CDC6: variants seen among roughly 807,000 people sequenced by gnomAD.
CDC6 encodes the protein DNA replication factor CDC6.
In CDC6, 46 loss-of-function variants were observed where a neutral mutation model predicts 60.2. The observed-to-expected ratio is 0.76, with a 90% CI of 0.60 to 0.98. CDC6 has a LOEUF of 0.98. Among genes scored for constraint, CDC6 ranks in the 50% least tolerant of loss-of-function variants. The probability of loss-of-function intolerance (pLI) is 0.00; values close to 1 mark genes in which losing one functional copy is unlikely to be tolerated. For missense variants in CDC6, 596 were observed against 652.9 expected (o/e 0.91, Z 0.95); for synonymous variants, 210 against 233.2 (o/e 0.90, Z 0.90).
chr17:40,295,566 CT>C (rs2032845631), intron 8 of CDC6, 110 bp downstream of exon 8: 1 of 746,812 alleles, frequency 1.3e-6, no homozygotes, highest in Non-Finnish European at 2.3e-6. Context: ...TGTTCTGCTA[CT>C]TTTTTACGCT....
intron 6 of CDC6, 138 bp from the exon 7 acceptor site, chr17:40,294,226 G>A (rs2032823134): frequency 4.6e-6 from 4 of 876,158 alleles, no homozygotes; most frequent in South Asian, 1.4e-5. Flanking sequence ...TATCTATTGG[G>A]ATGGGGTAGG....
chr17:40,296,595 T>C, intron 8 of CDC6, 108 bp from the exon 9 acceptor site: 1 of 719,886 alleles, frequency 1.4e-6, no homozygotes, highest in Non-Finnish European at 2.6e-6. Flanking sequence ...CCATTGTTCA[T>C]AGTTGCAGTC....
At chr17:40,293,919 A>G (rs776512370) in intron 5 of CDC6, 31 bp from the exon 6 acceptor site, 1 of 1,549,214 alleles carries the variant, frequency 6.5e-7, no homozygotes, top group Middle Eastern at 1.7e-4. Flanking sequence ...AAGAAGGTGA[A>G]TATGGATACT....
chr17:40,302,245 G>C lies in CDC6; in HGVS notation c.*244G>C, dbSNP rs1215848944. On this transcript the variant is annotated 3_prime_UTR_variant, in exon 12 of 12. Transcript: ENST00000209728. ...ATTACATTCACTACTTCTACCACTT[G>C]TGTATCTCTAGCCAATGTGCTTGCA... 1.9e-6 allele frequency: 1 copy of C among 515,072 alleles called. No homozygotes were observed. 31.9% of individuals were successfully genotyped at this position (515,072 alleles called of 1,614,324 possible). A position where few individuals can be genotyped will look rare whatever the true frequency, so the allele number is the denominator to read the frequency against.
intron 9 of CDC6, among the ~76,000 whole-genome samples, chr17:40,299,015 A>T (rs1221151639): frequency 1.3e-5 from 2 of 152,074 alleles, no homozygotes; most frequent in Non-Finnish European, 2.9e-5. Context: ...ATGTAATATT[A>T]TAGAAGTAAA....
intron 2 of CDC6, 105 bp downstream of exon 2, chr17:40,289,703 CTTTTTTTTTTTT>C (rs34020648): frequency 8.7e-5 from 29 of 333,866 alleles, no homozygotes; most frequent in African/African-American, 5.2e-4. Flanking sequence ...GTTAAGACTT[CTTTTTTTTTTTT>C]TTTTTTTTTT....
rs554239404 is a variant in CDC6 at position 40,303,150 on chromosome 17, G to A, written c.*1149G>A. ...AAGAGCCTTCTGGGTTTGGTTTGGT[G>A]GCATTAAATGGCAATTTGTGACTGA... On this transcript the variant is annotated 3_prime_UTR_variant, in exon 12 of 12. Coordinates refer to ENST00000209728, the MANE Select transcript of CDC6 (RefSeq NM_001254.4). The A allele has an allele frequency of 6.6e-6, 1 of 152,236 alleles. No homozygotes were observed. The highest frequency in any genetic ancestry group is 1.5e-5 in the Non-Finnish European group (1 of 68,010). The allele number at this position is 152,236 out of a possible 1,614,324, so 9.4% of individuals were successfully genotyped here.
intron 9 of CDC6, among the ~76,000 whole-genome samples, chr17:40,298,782 A>G (rs762329306): frequency 7.9e-5 from 12 of 152,206 alleles, no homozygotes; most frequent in East Asian, 1.9e-4. Context: ...TATAATAACT[A>G]GAACTAACTG....
chr17:40,291,345 T>A lies in CDC6; in HGVS notation c.460+6T>A, dbSNP rs1235664963. 6.2e-7 allele frequency: 1 copy of A among 1,614,170 alleles called. No individual in the cohort carries two copies. The highest frequency in any genetic ancestry group is 8.5e-7 in the Non-Finnish European group (1 of 1,180,000). On this transcript the variant is annotated splice_donor_region_variant and intron_variant, in intron 3 of 11. Transcript: ENST00000209728. ...GAGACTATTCAAGCAAGAAGGTTTG[T>A]TCTTACATGGCAACTGTTAGTGCAG...
chr17:40,295,500 AAAG>A (rs777212708), intron 8 of CDC6, 44 bp downstream of exon 8: 4 of 1,303,308 alleles, frequency 3.1e-6, no homozygotes, highest in East Asian at 2.3e-5. Context: ...AAAAAAAAAA[AAAG>A]AAATGCTGTT....
rs2032965808 is a variant in CDC6 at position 40,303,518 on chromosome 17, T to A, written c.*1517T>A. ...ATGTGATCTGAGCTACAACAGGTGGTATGGGATAGAGGCAAGGAAAGCAGA... is the reference window on the plus strand; with the variant it reads ...ATGTGATCTGAGCTACAACAGGTGGAATGGGATAGAGGCAAGGAAAGCAGA... On this transcript the variant is annotated 3_prime_UTR_variant, in exon 12 of 12. Coordinates refer to ENST00000209728, the MANE Select transcript of CDC6 (RefSeq NM_001254.4). 6.6e-6 allele frequency: 1 copy of A among 152,230 alleles called. No homozygotes were observed. The highest frequency in any genetic ancestry group is 6.5e-5 in the Admixed American group (1 of 15,284). The allele number at this position is 152,230 out of a possible 1,614,324, so 9.4% of individuals were successfully genotyped here.
At chr17:40,291,870 C>T (rs1038427880) in intron 4 of CDC6, among the ~76,000 whole-genome samples, 41 of 152,220 alleles carry the variant, frequency 2.7e-4, no homozygotes, top group African/African-American at 9.4e-4. Flanking sequence ...CTCAGCCTCC[C>T]GAGTAGCTGG....
rs568925689 is a variant in CDC6, at chr17:40,300,107, C to T, written c.1250-721C>T. ...CCTCCCAAGTAGCTGGGATTACAGG[C>T]GCCTGCCACCACATCCAGCTAATTT... On this transcript the variant is annotated intron_variant, in intron 9 of 11. Transcript: ENST00000209728. 8.5e-4 allele frequency among the ~76,000 whole-genome samples: 129 copies of T among 152,140 alleles called. 1 individual carries two copies. The highest frequency in any genetic ancestry group is 2.0e-3 in the African/African-American group (82 of 41,504).
intron 7 of CDC6, among the ~76,000 whole-genome samples, chr17:40,294,793 C>T (rs927220075): frequency 1.5e-4 from 23 of 150,708 alleles, no homozygotes; most frequent in Admixed American, 5.3e-4. Flanking sequence ...GGCGTGATCT[C>T]GGCTCTCTAC....
Position 40,294,396 on chromosome 17 carries a change from A to G in CDC6, c.976A>G (p.Ile326Val), listed in dbSNP as rs767102052. 1 of 1,609,748 alleles carries G rather than the reference A, an allele frequency of 6.2e-7. No homozygotes were observed. The highest frequency in any genetic ancestry group is 1.1e-5 in the South Asian group (1 of 91,010). ...TAATACCCTGGATCTCACAGATAGA[A>G]TTCTACCTAGGCTTCAAGCTAGAGA... ...IANTLDLTDR[I>V]LPRLQAREKC... The change falls in exon 7 of 12, where the codon ATT becomes GTT. Residue 326 changes from isoleucine (I) to valine (V), a missense_variant. Physicochemically the swap from Ile to Val is conservative, Grantham distance 29 (BLOSUM62 3). Coordinates refer to ENST00000209728, the MANE Select transcript of CDC6 (RefSeq NM_001254.4).
Position 40,302,053 on chromosome 17 carries a change from A to G in CDC6, c.*52A>G. The G allele has an allele frequency of 1.9e-6, 2 of 1,045,962 alleles. No homozygotes were observed. Among genetic ancestry groups the G allele is most frequent in the Non-Finnish European group, 3.0e-6 (2 of 660,998 alleles). The allele number at this position is 1,045,962 out of a possible 1,614,324, so 64.8% of individuals were successfully genotyped here. ...GTATTCAGCTGGCATTTAGAGAGCT[A>G]CAGTCTTCATTTTAGTGCTTTACAC... is the stretch of plus-strand genomic sequence containing the variant. On this transcript the variant is annotated 3_prime_UTR_variant, in exon 12 of 12. Coordinates refer to ENST00000209728, the MANE Select transcript of CDC6 (RefSeq NM_001254.4).
At chr17:40,298,846 C>G (rs2032896168) in intron 9 of CDC6, among the ~76,000 whole-genome samples, 1 of 152,206 alleles carries the variant, frequency 6.6e-6, no homozygotes, top group African/African-American at 2.4e-5. Context: ...CAGACAAAAG[C>G]TGGATAGATG....
Position 40,300,973 on chromosome 17 carries a change from T to G in CDC6, c.1395T>G (p.Val465=). Residue 465 remains valine, a synonymous_variant, in exon 10 of 12, where the codon GTT becomes GTG. Coordinates refer to ENST00000209728, the MANE Select transcript of CDC6 (RefSeq NM_001254.4). The part of the protein sequence containing the change: ...DSFPLQQKIL[V]CSLMLLIRQL... Reference sequence around the variant, plus strand: ...TCCCTCTTCAGCAGAAGATCTTGGTTTGCTCTTTGATGCTCTTGATCAGGC... The same window carrying G: ...TCCCTCTTCAGCAGAAGATCTTGGTGTGCTCTTTGATGCTCTTGATCAGGC... 1 of 1,614,138 alleles carries G rather than the reference T, an allele frequency of 6.2e-7. No individual in the cohort carries two copies. Among genetic ancestry groups the G allele is most frequent in the Non-Finnish European group, 8.5e-7 (1 of 1,179,992 alleles).
rs751368222 is a variant in CDC6, at chr17:40,301,896, TTTCTC to T, written c.1594-11_1594-7del. ...TGAGTTCCCCAGTGTGAAAAATCCT[TTTCTC>T]TTCTTTCCAGGTGTTTTTCAAGATT... On this transcript the variant is annotated splice_polypyrimidine_tract_variant and intron_variant, in intron 11 of 11. Transcript: ENST00000209728. 7 of 1,515,682 alleles carry T rather than the reference TTTCTC, an allele frequency of 4.6e-6. No individual in the cohort carries two copies. Among genetic ancestry groups the T allele is most frequent in the South Asian group, 3.4e-5 (3 of 88,992 alleles). 93.9% of individuals were successfully genotyped at this position (1,515,682 alleles called of 1,614,324 possible).
Sources: allele counts gnomAD v4.1 joint callset (sites outside exome capture counted in the v4.1 genomes callset), GRCh38; gene constraint gnomAD v4.1.1; transcripts MANE v1.5; gene names NCBI Gene and HGNC (gene_info 2026-07-23, HGNC 2026-07-21).